Variants in EPHA7 observed in about 807,000 individuals in gnomAD.
EPHA7 encodes the protein EPH receptor A7.
Under a neutral mutation model 112.6 loss-of-function variants are expected in EPHA7, and 25 were observed. The ratio of observed to expected loss-of-function variants is 0.22; its 90% CI spans 0.16 to 0.31. The LOEUF is 0.31. EPHA7 is among the 10% of genes least tolerant of loss of function. EPHA7 has a pLI of 1.00. For missense variants in EPHA7, 962 were observed against 1,212.6 expected (o/e 0.79, Z 3.07); for synonymous variants, 437 against 406.5 (o/e 1.07, Z -0.90).
In EPHA7 at chr6:93,323,163, A is replaced by T. The variant is rs899406699; in HGVS notation, c.1324+33554T>A. Among the ~76,000 whole-genome samples the T allele has an allele frequency of 2.6e-5, 4 of 151,656 alleles. No individual in the cohort carries two copies. In the East Asian group the frequency reaches 7.7e-4, roughly 29 times the overall value. On this transcript the variant is annotated intron_variant, in intron 5 of 16. Coordinates refer to ENST00000369303, the MANE Select transcript of EPHA7 (RefSeq NM_004440.4). ...TTAACAAAATAATTTATTTCTACATATTCGTCTCTTTATGAAAGAAACAAA... is the reference window on the plus strand; with the variant it reads ...TTAACAAAATAATTTATTTCTACATTTTCGTCTCTTTATGAAAGAAACAAA...
intron 3 of EPHA7, chr6:93,409,578 T>C (rs1404712477): frequency 6.6e-6 from 1 of 151,994 alleles, no homozygotes; most frequent in Non-Finnish European, 1.5e-5. Context: ...CTTCTGGCTC[T>C]GGTGTAAAAA....
At chr6:93,258,000 T>G in intron 11 of EPHA7, 99 bp downstream of exon 11, 1 of 1,146,944 alleles carries the variant, frequency 8.7e-7, no homozygotes, top group South Asian at 1.5e-5. Flanking sequence ...TCATTTAGAC[T>G]GTGCAACATA....
intron 5 of EPHA7, among the ~76,000 whole-genome samples, chr6:93,347,087 T>A (rs1775439392): frequency 6.6e-6 from 1 of 151,798 alleles, no homozygotes; most frequent in South Asian, 2.1e-4. Flanking sequence ...ATGCTTAAAT[T>A]TAGCAAATTA....
chr6:93,260,491 T>G (rs1354701875), intron 9 of EPHA7: 18 of 936,046 alleles, frequency 1.9e-5, no homozygotes, highest in Non-Finnish European at 2.3e-5. Context: ...CAAAAAAACT[T>G]TATTGTTTTA....
intron 3 of EPHA7, among the ~76,000 whole-genome samples, chr6:93,367,178 T>G (rs1304521041): frequency 6.6e-6 from 1 of 152,130 alleles, no homozygotes; most frequent in Non-Finnish European, 1.5e-5. Flanking sequence ...CTACTAAAAA[T>G]CTTCTTTGAG....
intron 3 of EPHA7, among the ~76,000 whole-genome samples, chr6:93,402,252 G>A (rs2127989577): frequency 6.6e-6 from 1 of 152,026 alleles, no homozygotes; most frequent in South Asian, 2.1e-4. Context: ...CATGTTAAAT[G>A]CATTGTGAGA....
At chr6:93,284,978 C>G (rs1771988606) in intron 5 of EPHA7, among the ~76,000 whole-genome samples, 1 of 152,014 alleles carries the variant, frequency 6.6e-6, no homozygotes, top group East Asian at 1.9e-4. Context: ...ACATGTATCC[C>G]AGAACTTAAA....
At chr6:93,246,133 C>T (rs1284065101) in intron 15 of EPHA7, among the ~76,000 whole-genome samples, 1 of 151,834 alleles carries the variant, frequency 6.6e-6, no homozygotes, top group East Asian at 1.9e-4. Flanking sequence ...CTCACTGCCA[C>T]CTCTGCCTAC....
chr6:93,359,371 ATATAT>A (rs1378855431), intron 3 of EPHA7, among the ~76,000 whole-genome samples: 42 of 150,462 alleles, frequency 2.8e-4, no homozygotes, highest in African/African-American at 6.3e-4. Flanking sequence ...TATTAATATA[ATATAT>A]TATATATTGA....
intron 5 of EPHA7, among the ~76,000 whole-genome samples, chr6:93,355,657 T>C (rs954629592): frequency 7.9e-5 from 12 of 152,186 alleles, no homozygotes; most frequent in African/African-American, 2.4e-4. Flanking sequence ...GCCCCTAATT[T>C]CTGAGATTTC....
At chr6:93,265,620 A>ATAAAATCATCAAG (rs1204745922) in intron 7 of EPHA7, among the ~76,000 whole-genome samples, 1 of 151,728 alleles carries the variant, frequency 6.6e-6, no homozygotes, top group African/African-American at 2.4e-5. Flanking sequence ...TACAGACTTT[A>ATAAAATCATCAAG]TAAAATCATC....
chr6:93,251,484 T>G (rs1483851267), intron 14 of EPHA7, among the ~76,000 whole-genome samples: 2 of 147,856 alleles, frequency 1.4e-5, no homozygotes, highest in South Asian at 2.2e-4. Flanking sequence ...CGTTATTTTT[T>G]TAAAAATACT....
intron 7 of EPHA7, 112 bp from the exon 8 acceptor site, chr6:93,264,814 T>C (rs1582412023): frequency 6.1e-6 from 3 of 488,238 alleles, no homozygotes; most frequent in Non-Finnish European, 1.1e-5. Flanking sequence ...TTTAAATAAC[T>C]GCATTATATT....
At chr6:93,354,633 C>CAAAA (rs35810853) in intron 5 of EPHA7, among the ~76,000 whole-genome samples, 1 of 98,362 alleles carries the variant, frequency 1.0e-5, no homozygotes, top group African/African-American at 4.3e-5. Flanking sequence ...ACAAATAAAG[C>CAAAA]AAAAAAAAAA....
Position 93,411,189 on chromosome 6 carries a change from G to A in EPHA7, c.163-19C>T, listed in dbSNP as rs200442620. 6.6e-5 allele frequency: 105 copies of A among 1,584,652 alleles called. No individual in the cohort carries two copies. In the Admixed American group the frequency reaches 1.7e-3, roughly 26 times the overall value. ...CTTCCCACTGTAAAATTTGAAAAAAGGTCATCAGTCATTCAGCAAAAAATA... is the reference window on the plus strand; with the variant it reads ...CTTCCCACTGTAAAATTTGAAAAAAAGTCATCAGTCATTCAGCAAAAAATA... On this transcript the variant is annotated intron_variant, in intron 2 of 16. Transcript: ENST00000369303.
chr6:93,259,501 T>C (rs753018796), intron 9 of EPHA7, 22 bp from the exon 10 acceptor site: 18 of 1,609,240 alleles, frequency 1.1e-5, no homozygotes, highest in Non-Finnish European at 1.4e-5. Context: ...TAAGAAAGCA[T>C]GACTGTGATG....
intron 3 of EPHA7, among the ~76,000 whole-genome samples, chr6:93,388,931 G>C (rs1777766752): frequency 6.6e-6 from 1 of 151,948 alleles, no homozygotes; most frequent in African/African-American, 2.4e-5. Context: ...AAATGACGCT[G>C]GAGAGTGAGT....
chr6:93,375,118 A>G (rs1371555680), intron 3 of EPHA7, among the ~76,000 whole-genome samples: 3 of 152,166 alleles, frequency 2.0e-5, no homozygotes, highest in Non-Finnish European at 2.9e-5. Flanking sequence ...AAATAATATC[A>G]TTAAAAAATA....
intron 3 of EPHA7, among the ~76,000 whole-genome samples, chr6:93,389,832 GA>G (rs887653843): frequency 5.3e-4 from 81 of 151,936 alleles, no homozygotes; most frequent in African/African-American, 1.8e-3. Context: ...ACTAGAGAAA[GA>G]AAAAACTTTC....
Sources: allele counts gnomAD v4.1 joint callset (sites outside exome capture counted in the v4.1 genomes callset), GRCh38; gene constraint gnomAD v4.1.1; transcripts MANE v1.5; gene names NCBI Gene and HGNC (gene_info 2026-07-23, HGNC 2026-07-21).